The following CEP112 variants were observed in gnomAD, a reference collection of about 807,000 sequenced individuals.
CEP112 encodes the protein centrosomal protein of 112 kDa.
Under a neutral mutation model 153.0 loss-of-function variants are expected in CEP112, and 127 were observed. That is an observed-to-expected ratio of 0.83 (90% CI 0.72 to 0.96). The LOEUF (loss-of-function observed/expected upper bound fraction) is 0.96, where lower values mean the gene tolerates loss of function less well. Ranked by LOEUF, CEP112 falls within the 40% of genes least tolerant of loss-of-function variation. The pLI, the probability that CEP112 is intolerant of heterozygous loss-of-function variation, is 0.00. For synonymous variants in CEP112, 358 were observed against 374.4 expected (o/e 0.96, Z 0.51); for missense variants, 1,089 against 1,101.2 (o/e 0.99, Z 0.16).
chr17:66,066,723 C>G, intron 10 of CEP112, 55 bp downstream of exon 10: 2 of 1,200,976 alleles, frequency 1.7e-6, no homozygotes, highest in Non-Finnish European at 2.3e-6. Flanking sequence ...TTCTCCACAT[C>G]ACTAAAATAA....
intron 18 of CEP112, among the ~76,000 whole-genome samples, chr17:65,938,382 C>T (rs2061414739): frequency 7.1e-6 from 1 of 140,844 alleles, no homozygotes; most frequent in Non-Finnish European, 1.5e-5. Flanking sequence ...CTGCCAAATC[C>T]CCCTCTGGGA....
intron 11 of CEP112, among the ~76,000 whole-genome samples, chr17:66,056,328 T>G (rs2066685463): frequency 6.6e-6 from 1 of 152,168 alleles, no homozygotes; most frequent in South Asian, 2.1e-4. Context: ...TGGAAAACAC[T>G]TTGGCAGTTC....
chr17:65,859,439 CAAA>C (rs57675567), intron 20 of CEP112, among the ~76,000 whole-genome samples: 7 of 93,668 alleles, frequency 7.5e-5, no homozygotes, highest in South Asian at 3.5e-4. Flanking sequence ...GACTCCATCT[CAAA>C]AAAAAAAAAA....
At chr17:65,874,852 T>C (rs1009202767) in intron 20 of CEP112, among the ~76,000 whole-genome samples, 1 of 152,108 alleles carries the variant, frequency 6.6e-6, no homozygotes. Context: ...TTGACAAAAC[T>C]ATGCCTGTAA....
intron 6 of CEP112, among the ~76,000 whole-genome samples, chr17:66,107,450 A>G (rs2068833991): frequency 6.6e-6 from 1 of 152,192 alleles, no homozygotes; most frequent in Non-Finnish European, 1.5e-5. Flanking sequence ...GTAAAGTTGC[A>G]GAACACAAGA....
At position 66,149,167 on chromosome 17, in the gene CEP112, T is replaced by A. The variant is rs1046979818; in HGVS notation, c.471-16404A>T. Among the ~76,000 whole-genome samples, 9 of 152,216 alleles carry A rather than the reference T, an allele frequency of 5.9e-5. 1 individual carries two copies. The highest frequency in any genetic ancestry group is 5.2e-4 in the Admixed American group (8 of 15,290). On this transcript the variant is annotated intron_variant, in intron 4 of 26. Transcript: ENST00000535342. ...TGATTTTCATATTTGGAACCATTCT[T>A]GCAAGTTACGAATAAATCTCATTTG...
chr17:65,871,107 C>G (rs2058657758), intron 20 of CEP112, among the ~76,000 whole-genome samples: 1 of 152,170 alleles, frequency 6.6e-6, no homozygotes, highest in African/African-American at 2.4e-5. Flanking sequence ...CTAAAGTATT[C>G]TAAAGTTTTG....
chr17:66,003,949 T>C (rs1446305746), intron 17 of CEP112, among the ~76,000 whole-genome samples: 1 of 151,932 alleles, frequency 6.6e-6, no homozygotes, highest in African/African-American at 2.4e-5. Context: ...GCCAAAAAGT[T>C]TGAGGACCAC....
At chr17:65,653,283 G>C (rs1439621766) in intron 24 of CEP112, among the ~76,000 whole-genome samples, 1 of 152,222 alleles carries the variant, frequency 6.6e-6, no homozygotes, top group Non-Finnish European at 1.5e-5. Flanking sequence ...TTAAGGGAAG[G>C]ATCTCAGCTC....
chr17:66,071,927 C>G (rs1175038457), intron 8 of CEP112, among the ~76,000 whole-genome samples: 1 of 152,140 alleles, frequency 6.6e-6, no homozygotes, highest in Admixed American at 6.6e-5. Context: ...TTTTATGTAG[C>G]TTGATGGATC....
chr17:66,070,786 G>A (rs565943612), intron 8 of CEP112, among the ~76,000 whole-genome samples: 1 of 152,258 alleles, frequency 6.6e-6, no homozygotes, highest in South Asian at 2.1e-4. Flanking sequence ...CACAATTTAA[G>A]AGAGTTAAGT....
At chr17:65,673,672 A>G (rs1286756030) in intron 24 of CEP112, among the ~76,000 whole-genome samples, 1 of 152,204 alleles carries the variant, frequency 6.6e-6, no homozygotes, top group African/African-American at 2.4e-5. Flanking sequence ...GTATAAGAAA[A>G]TAAAAGAGAA....
chr17:66,086,106 T>C (rs1341134727), intron 8 of CEP112, among the ~76,000 whole-genome samples: 1 of 152,078 alleles, frequency 6.6e-6, no homozygotes, highest in Non-Finnish European at 1.5e-5. Flanking sequence ...TAATTATCTC[T>C]GAAGAATGAG....
intron 12 of CEP112, among the ~76,000 whole-genome samples, chr17:66,047,516 A>AT (rs1244592605): frequency 2.0e-5 from 3 of 152,208 alleles, no homozygotes; most frequent in East Asian, 1.9e-4. Flanking sequence ...GTAGATATTA[A>AT]TTTTTTTCTT....
intron 18 of CEP112, among the ~76,000 whole-genome samples, chr17:65,946,714 A>AT (rs1568274390): frequency 1.3e-5 from 2 of 152,170 alleles, no homozygotes; most frequent in South Asian, 2.1e-4. Context: ...TAAGATTTTG[A>AT]TTTTTTAAAA....
chr17:65,667,059 C>G (rs2046730334), intron 24 of CEP112, among the ~76,000 whole-genome samples: 1 of 152,104 alleles, frequency 6.6e-6, no homozygotes, highest in African/African-American at 2.4e-5. Flanking sequence ...TGGAAGTATG[C>G]AGGGAGGGTG....
intron 23 of CEP112, among the ~76,000 whole-genome samples, chr17:65,707,338 C>A (rs945961540): frequency 1.3e-5 from 2 of 152,144 alleles, no homozygotes; most frequent in African/African-American, 2.4e-5. Context: ...ATCTCTAGTA[C>A]TACCTCCTTG....
intron 16 of CEP112, among the ~76,000 whole-genome samples, chr17:66,016,642 A>C (rs1313752487): frequency 6.6e-6 from 1 of 152,102 alleles, no homozygotes; most frequent in African/African-American, 2.4e-5. Context: ...GAAACCAACA[A>C]GGAATTGCTA....
chr17:65,896,403 C>T (rs1191560769), intron 20 of CEP112, among the ~76,000 whole-genome samples: 1 of 151,836 alleles, frequency 6.6e-6, no homozygotes, highest in African/African-American at 2.4e-5. Flanking sequence ...AATTACAGAA[C>T]TTTAGAATTA....
Sources: gnomAD v4.1 joint callset for allele counts (sites outside exome capture counted in the v4.1 genomes callset) on GRCh38, gnomAD v4.1.1 for gene constraint, MANE v1.5 for transcripts, NCBI Gene and HGNC (gene_info 2026-07-23, HGNC 2026-07-21) for gene names.